The following PRKG1 variants were observed in gnomAD, a reference collection of about 807,000 sequenced individuals.
The protein encoded by PRKG1 is cGMP-dependent protein kinase 1.
Under a neutral mutation model 88.1 loss-of-function variants are expected in PRKG1, and 35 were observed. That is an observed-to-expected ratio of 0.40 (90% confidence interval 0.30 to 0.53). The LOEUF (loss-of-function observed/expected upper bound fraction) is 0.53, where lower values mean the gene tolerates loss of function less well. PRKG1 is among the 20% of genes least tolerant of loss of function. PRKG1 has a pLI of 0.59. For synonymous variants in PRKG1, 303 were observed against 292.5 expected, an observed-to-expected ratio of 1.04 and a Z score of -0.37; for missense variants, 540 against 839.8, an observed-to-expected ratio of 0.64 and a Z score of 4.41.
At chr10:51,689,607 C>T (rs1841085599) in intron 3 of PRKG1, among the ~76,000 whole-genome samples, 1 of 152,148 alleles carries the variant, frequency 6.6e-6, no homozygotes, top group South Asian at 2.1e-4. Flanking sequence ...TCTTAACAAA[C>T]AAACAAGAAA....
chr10:51,942,363 G>C (rs1364343143), intron 5 of PRKG1, among the ~76,000 whole-genome samples: 55 of 151,948 alleles, frequency 3.6e-4, no homozygotes, highest in African/African-American at 1.3e-3. Flanking sequence ...CCCTTTGTCA[G>C]ATGAGTAGGT....
At chr10:51,117,997 AG>A (rs1216329217) in intron 1 of PRKG1, among the ~76,000 whole-genome samples, 1 of 152,138 alleles carries the variant, frequency 6.6e-6, no homozygotes, top group Non-Finnish European at 1.5e-5. Context: ...CTTTATCACT[AG>A]GGGGTTTTCA....
chr10:52,006,111 A>G (rs10823947), intron 5 of PRKG1, among the ~76,000 whole-genome samples: 44,972 of 152,074 alleles, frequency 0.3, 6,774 homozygotes, highest in Non-Finnish European at 0.33. Context: ...AAAAAAAACA[A>G]GTCTATCAAA....
At chr10:51,258,211 A>G (rs915379546) in intron 2 of PRKG1, among the ~76,000 whole-genome samples, 3 of 152,178 alleles carry the variant, frequency 2.0e-5, no homozygotes, top group Non-Finnish European at 4.4e-5. Flanking sequence ...ATGTAACAAT[A>G]TCTCCATCCC....
At chr10:51,837,460 C>T (rs972588600) in intron 4 of PRKG1, among the ~76,000 whole-genome samples, 1 of 152,144 alleles carries the variant, frequency 6.6e-6, no homozygotes, top group African/African-American at 2.4e-5. Flanking sequence ...TGCTACCACA[C>T]ATTTTTTTAA....
chr10:51,430,141 C>T (rs183064552), intron 2 of PRKG1, among the ~76,000 whole-genome samples: 7 of 148,476 alleles, frequency 4.7e-5, no homozygotes, highest in Admixed American at 2.0e-4. Context: ...AAAAGCCAGG[C>T]GTGGTGGCTC....
chr10:52,193,163 C>T (rs960936685), intron 9 of PRKG1, among the ~76,000 whole-genome samples: 1 of 152,044 alleles, frequency 6.6e-6, no homozygotes, highest in Non-Finnish European at 1.5e-5. Context: ...TAGAAATTGT[C>T]CATTGTGGGA....
intron 3 of PRKG1, among the ~76,000 whole-genome samples, chr10:51,752,314 C>A (rs539881198): frequency 6.6e-6 from 1 of 152,288 alleles, no homozygotes; most frequent in East Asian, 1.9e-4. Flanking sequence ...CCTAAAACTG[C>A]TGAAGTATGA....
At chr10:52,014,362 A>G (rs1844979295) in intron 5 of PRKG1, among the ~76,000 whole-genome samples, 1 of 152,140 alleles carries the variant, frequency 6.6e-6, no homozygotes, top group South Asian at 2.1e-4. Context: ...AAACACTTTG[A>G]AACCATCAGA....
At chr10:51,558,771 T>C (rs747712947) in intron 3 of PRKG1, among the ~76,000 whole-genome samples, 4 of 152,260 alleles carry the variant, frequency 2.6e-5, no homozygotes, top group Non-Finnish European at 4.4e-5. Context: ...AATGGAATGA[T>C]TTCTTAAACT....
At chr10:52,082,086 C>T (rs1197073888) in intron 7 of PRKG1, among the ~76,000 whole-genome samples, 1 of 152,058 alleles carries the variant, frequency 6.6e-6, no homozygotes, top group Non-Finnish European at 1.5e-5. Flanking sequence ...CATCCTTCTT[C>T]ACATGAAGGC....
rs368609451 is a variant in PRKG1, at chr10:52,118,479, T to C, written c.936-15361T>C. On this transcript the variant is annotated intron_variant, in intron 7 of 17. Coordinates refer to ENST00000373980, the MANE Select transcript of PRKG1 (RefSeq NM_006258.4). Reference sequence around the variant, plus strand: ...TATATTTTATATATATACAATATTTTAAGACCTTTAAAATGCTTATACAGT... The same window carrying C: ...TATATTTTATATATATACAATATTTCAAGACCTTTAAAATGCTTATACAGT... Among the ~76,000 whole-genome samples, 19 of 152,152 alleles carry C rather than the reference T, an allele frequency of 1.2e-4. No homozygotes were observed. The East Asian group carries it at 3.7e-3, about 29-fold the overall frequency.
In PRKG1 at chr10:51,379,942, G is replaced by T. The variant is rs147084961; in HGVS notation, c.479-87781G>T. On this transcript the variant is annotated intron_variant, in intron 2 of 17. Coordinates refer to ENST00000373980, the MANE Select transcript of PRKG1 (RefSeq NM_006258.4). The stretch of plus-strand genomic sequence containing the variant: ...ACTGGGCTAAAATAAGTAGACTGAG[G>T]CATCTTATACACAGACTAAAACTAA... 6.3e-3 allele frequency among the ~76,000 whole-genome samples: 965 copies of T among 152,278 alleles called. 5 individuals are homozygous for T. The highest frequency in any genetic ancestry group is 9.5e-3 in the Admixed American group (146 of 15,294).
intron 4 of PRKG1, among the ~76,000 whole-genome samples, chr10:51,833,736 ATAT>A (rs1359541665): frequency 1.3e-5 from 2 of 152,166 alleles, no homozygotes; most frequent in Non-Finnish European, 2.9e-5. Flanking sequence ...ATTCTGTAAC[ATAT>A]AATACATTAT....
At chr10:51,374,093 A>AAAT in intron 2 of PRKG1, among the ~76,000 whole-genome samples, 6,899 of 100,416 alleles carry the variant, frequency 0.069, 570 homozygotes, top group Middle Eastern at 0.17. Context: ...AAAAAAAAAA[A>AAAT]ATATATATAT....
chr10:51,855,182 A>G lies in PRKG1; in HGVS notation c.698+50492A>G, dbSNP rs538317426. Among the ~76,000 whole-genome samples, 4 of 152,310 alleles carry G rather than the reference A, an allele frequency of 2.6e-5. No homozygotes were observed. The East Asian group carries it at 7.7e-4, about 29-fold the overall frequency. ...TGGTAATAGCTTAGACTTATTTCAA[A>G]GGATCCTGCTGTACTCTCTATCTTT... On this transcript the variant is annotated intron_variant, in intron 4 of 17. Transcript: ENST00000373980.
At chr10:52,172,021 C>G (rs1238155326) in intron 9 of PRKG1, among the ~76,000 whole-genome samples, 2 of 151,098 alleles carry the variant, frequency 1.3e-5, no homozygotes, top group African/African-American at 4.9e-5. Context: ...CCAGGATGGT[C>G]TCGATCTCCT....
In PRKG1 at chr10:51,519,809, C is replaced by T. The variant is rs1198723454; in HGVS notation, c.592+51973C>T. ...TATTTTTTTCCTGAACTGGGACATT[C>T]TACTTCATGCGACAGCTAAATTAGC... On this transcript the variant is annotated intron_variant, in intron 3 of 17. Coordinates refer to ENST00000373980, the MANE Select transcript of PRKG1 (RefSeq NM_006258.4). Among the ~76,000 whole-genome samples the T allele has an allele frequency of 2.6e-5, 4 of 152,120 alleles. No individual in the cohort carries two copies. The East Asian group carries it at 7.7e-4, about 29-fold the overall frequency.
At chr10:52,292,804 A>G (rs1193370289) in intron 17 of PRKG1, among the ~76,000 whole-genome samples, 1 of 151,896 alleles carries the variant, frequency 6.6e-6, no homozygotes. Context: ...AGCCAATATC[A>G]TACTGAATGG....
Sources: gnomAD v4.1 joint callset for allele counts (sites outside exome capture counted in the v4.1 genomes callset) on GRCh38, gnomAD v4.1.1 for gene constraint, MANE v1.5 for transcripts, NCBI Gene and HGNC (gene_info 2026-07-23, HGNC 2026-07-21) for gene names.